The following ATXN7 variants were observed in gnomAD, a reference collection of about 807,000 sequenced individuals.
ATXN7 encodes the protein ataxin 7, also known as ataxin-7.
In ATXN7, 12 loss-of-function variants were observed where a neutral mutation model predicts 70.5. The ratio of observed to expected loss-of-function variants is 0.17; its 90% confidence interval spans 0.11 to 0.28. The LOEUF is 0.28. Among genes scored for constraint, ATXN7 ranks in the 10% least tolerant of loss-of-function variants. ATXN7 has a pLI of 1.00. For missense variants in ATXN7, 1,256 were observed against 1,131.7 expected, an observed-to-expected ratio of 1.11 and a Z score of -1.58; for synonymous variants, 498 against 448.7, an observed-to-expected ratio of 1.11 and a Z score of -1.39.
At chr3:63,972,815 C>G (rs1202665125) in intron 5 of ATXN7, among the ~76,000 whole-genome samples, 1 of 152,214 alleles carries the variant, frequency 6.6e-6, no homozygotes, top group Non-Finnish European at 1.5e-5. Context: ...CCTTATCACA[C>G]TGGAGAAGAT....
At chr3:63,996,592 G>C in intron 12 of ATXN7, 109 bp downstream of exon 12, 6 of 481,470 alleles carry the variant, frequency 1.2e-5, no homozygotes, top group East Asian at 5.0e-5. Context: ...TTTGTAAACA[G>C]ATATTCAGCT....
chr3:63,910,023 C>G (rs1266210858), intron 2 of ATXN7, among the ~76,000 whole-genome samples: 1 of 152,084 alleles, frequency 6.6e-6, no homozygotes, highest in Non-Finnish European at 1.5e-5. Flanking sequence ...GATCATAATG[C>G]CAAGAGGATA....
At chr3:63,928,783 T>C (rs188135125) in intron 4 of ATXN7, among the ~76,000 whole-genome samples, 281 of 152,324 alleles carry the variant, frequency 1.8e-3, no homozygotes, top group Middle Eastern at 6.8e-3. Context: ...TGAGCTGACA[T>C]TTGTGGGGAC....
At chr3:63,890,399 T>G (rs1389296181) in intron 1 of ATXN7, among the ~76,000 whole-genome samples, 1 of 152,172 alleles carries the variant, frequency 6.6e-6, no homozygotes, top group Non-Finnish European at 1.5e-5. Context: ...GGGAAACAAG[T>G]TTTGAGTTAA....
rs1485676271 is a variant in ATXN7, at chr3:63,996,012, C to A, written c.2190C>A (p.Ser730=). Residue 730 remains serine, a synonymous_variant, in exon 12 of 13, where the codon TCC becomes TCA. Transcript: ENST00000674280. ...CCTCCTCCTCCTCTTCTTCTCATTC[C>A]ATGGAGTCTTTTAGGAAAAACTGTG... ...SSSSSSSSSH[S]MESFRKNCVA... The A allele has an allele frequency of 6.2e-7, 1 of 1,614,178 alleles. No individual in the cohort carries two copies. Among genetic ancestry groups the A allele is most frequent in the Non-Finnish European group, 8.5e-7 (1 of 1,180,046 alleles).
chr3:63,886,774 A>G (rs1703098551), intron 1 of ATXN7, among the ~76,000 whole-genome samples: 2 of 152,246 alleles, frequency 1.3e-5, no homozygotes, highest in Non-Finnish European at 2.9e-5. Context: ...TGAGGTAAAT[A>G]AAATAGTCCT....
At chr3:63,944,414 C>T (rs1159227964) in intron 4 of ATXN7, among the ~76,000 whole-genome samples, 1 of 152,056 alleles carries the variant, frequency 6.6e-6, no homozygotes, top group Non-Finnish European at 1.5e-5. Context: ...AACACAAGTA[C>T]TACAATAGCA....
chr3:63,907,296 T>C (rs1465931687), intron 2 of ATXN7, among the ~76,000 whole-genome samples: 2 of 152,130 alleles, frequency 1.3e-5, no homozygotes, highest in Non-Finnish European at 2.9e-5. Flanking sequence ...CCCCCAAAAA[T>C]GGTGATATTT....
At chr3:63,964,316 G>T (rs942942564) in intron 5 of ATXN7, among the ~76,000 whole-genome samples, 5 of 152,078 alleles carry the variant, frequency 3.3e-5, no homozygotes, top group African/African-American at 9.7e-5. Flanking sequence ...CTTATGCTAG[G>T]ATTCCCCTGT....
At chr3:63,953,884 G>C (rs1399700313) in intron 5 of ATXN7, among the ~76,000 whole-genome samples, 1 of 152,046 alleles carries the variant, frequency 6.6e-6, no homozygotes, top group African/African-American at 2.4e-5. Flanking sequence ...CTGACCTCAA[G>C]TGATCCGCCC....
chr3:64,001,272 GCAAT>G lies in ATXN7; in HGVS notation c.*1812_*1815del, dbSNP rs1201986747. On this transcript the variant is annotated 3_prime_UTR_variant, in exon 13 of 13. Coordinates refer to ENST00000674280, the MANE Select transcript of ATXN7 (RefSeq NM_001377405.1). The stretch of plus-strand genomic sequence containing the variant: ...GAACAGTATCTTGTTCAATTATTAT[GCAAT>G]CAATCAGTAAATGTTTTTAAAATGA... 1 of 152,154 alleles carries G rather than the reference GCAAT, an allele frequency of 6.6e-6. No individual in the cohort carries two copies. Among genetic ancestry groups the G allele is most frequent in the African/African-American group, 2.4e-5 (1 of 41,426 alleles). The allele number at this position is 152,154 out of a possible 1,614,324, so 9.4% of individuals were successfully genotyped here. A position where few individuals can be genotyped will look rare whatever the true frequency, so the allele number is the denominator to read the frequency against.
intron 4 of ATXN7, among the ~76,000 whole-genome samples, chr3:63,916,577 A>G (rs1704276143): frequency 6.6e-6 from 1 of 152,074 alleles, no homozygotes; most frequent in Non-Finnish European, 1.5e-5. Context: ...GGAACTCTTG[A>G]TTTAGATGGA....
chr3:63,963,609 C>T (rs552095715), intron 5 of ATXN7, among the ~76,000 whole-genome samples: 1 of 152,244 alleles, frequency 6.6e-6, no homozygotes, highest in East Asian at 1.9e-4. Context: ...AAAAGTGGAT[C>T]CTATTATGCA....
intron 1 of ATXN7, among the ~76,000 whole-genome samples, chr3:63,884,201 GCGCACACA>G (rs1393806026): frequency 3.9e-5 from 2 of 51,712 alleles, no homozygotes; most frequent in Non-Finnish European, 7.7e-5. Flanking sequence ...AAAATAACAT[GCGCACACA>G]CACACACACA....
intron 5 of ATXN7, among the ~76,000 whole-genome samples, chr3:63,971,258 T>C (rs1174056741): frequency 6.6e-6 from 1 of 152,222 alleles, no homozygotes; most frequent in African/African-American, 2.4e-5. Context: ...TTTTGGCTAA[T>C]TGTCCTTTGA....
At chr3:63,977,783 G>A (rs543180175) in intron 5 of ATXN7, among the ~76,000 whole-genome samples, 1 of 152,254 alleles carries the variant, frequency 6.6e-6, no homozygotes, top group East Asian at 1.9e-4. Flanking sequence ...GAATTGTCCT[G>A]TCTGAAATAC....
intron 4 of ATXN7, among the ~76,000 whole-genome samples, chr3:63,938,671 G>A (rs1000984350): frequency 1.7e-4 from 26 of 152,240 alleles, no homozygotes; most frequent in Non-Finnish European, 3.4e-4. Context: ...CAGCTGTGAG[G>A]CACCATGAGT....
intron 5 of ATXN7, chr3:63,968,511 T>C (rs2075262557): frequency 6.6e-6 from 1 of 152,326 alleles, no homozygotes; most frequent in Non-Finnish European, 1.5e-5. Flanking sequence ...CTGTAGAATG[T>C]GTTTGAAAGC....
At chr3:63,947,083 C>T (rs1277420058) in intron 4 of ATXN7, among the ~76,000 whole-genome samples, 2 of 152,194 alleles carry the variant, frequency 1.3e-5, no homozygotes, top group East Asian at 3.9e-4. Context: ...GTGCTATATA[C>T]TAGTTTGTGA....
Sources: allele counts gnomAD v4.1 joint callset (sites outside exome capture counted in the v4.1 genomes callset), GRCh38; gene constraint gnomAD v4.1.1; transcripts MANE v1.5; gene names NCBI Gene and HGNC (gene_info 2026-07-23, HGNC 2026-07-21).